The following CTBP2 variants were observed in gnomAD, a reference collection of about 807,000 sequenced individuals.
CTBP2 encodes the protein C-terminal binding protein 2.
CTBP2 carries 30 observed loss-of-function variants against 80.3 expected under a neutral mutation model. That is an observed-to-expected ratio of 0.37 (90% CI 0.28 to 0.51). The LOEUF is 0.51. Ranked by LOEUF, CTBP2 falls within the 20% of genes least tolerant of loss-of-function variation. CTBP2 has a pLI of 0.93. For synonymous variants in CTBP2, 594 were observed against 587.4 expected (o/e 1.01, Z -0.16); for missense variants, 1,212 against 1,375.3 (o/e 0.88, Z 1.88).
At chr10:125,159,358 AG>A (rs1037139919) in intron 1 of CTBP2, among the ~76,000 whole-genome samples, 1 of 139,092 alleles carries the variant, frequency 7.2e-6, no homozygotes, top group Non-Finnish European at 1.6e-5. Flanking sequence ...GCGGGCGAGG[AG>A]GAAGTGGTGC....
At chr10:125,041,317 A>C (rs905609841) in intron 2 of CTBP2, among the ~76,000 whole-genome samples, 1 of 152,206 alleles carries the variant, frequency 6.6e-6, no homozygotes, top group Non-Finnish European at 1.5e-5. Flanking sequence ...TCCTGAACTC[A>C]AGTGATCCAC....
At chr10:125,021,380 G>T (rs1420625795) in intron 1 of CTBP2, among the ~76,000 whole-genome samples, 1 of 152,176 alleles carries the variant, frequency 6.6e-6, no homozygotes, top group East Asian at 1.9e-4. Flanking sequence ...ACTCCTTCGG[G>T]CCATGCATTC....
In CTBP2 at chr10:124,984,359, T is replaced by C. The variant is rs964791802; in HGVS notation, c.*5159A>G. 14 of 160,832 alleles carry C rather than the reference T, an allele frequency of 8.7e-5. No homozygotes were observed. The highest frequency in any genetic ancestry group is 3.1e-4 in the Admixed American group (5 of 15,968). The allele number at this position is 160,832 out of a possible 1,614,324, so 10.0% of individuals were successfully genotyped here. A position where few individuals can be genotyped will look rare whatever the true frequency, so the allele number is the denominator to read the frequency against. The stretch of plus-strand genomic sequence containing the variant: ...GTCTTTTATTTAATATACTAGTAAT[T>C]ATAAAACGTTTATAATCACAACATG... On this transcript the variant is annotated 3_prime_UTR_variant, in exon 9 of 9. Coordinates refer to ENST00000309035, the MANE Select transcript of CTBP2 (RefSeq NM_022802.3).
rs1564838942 is a variant in CTBP2, at chr10:125,066,589, G to A, written c.-101-27434C>T. 2.6e-5 allele frequency among the ~76,000 whole-genome samples: 4 copies of A among 152,254 alleles called. No individual in the cohort carries two copies. Among genetic ancestry groups the A allele is most frequent in the East Asian group, 3.9e-4 (2 of 5,174 alleles). ...TGGGCAGCATCTTTTCTGTTTGCAC[G>A]ACTCAAAGTCTGCCTGGTGGAGGAG... On this transcript the variant is annotated intron_variant, in intron 2 of 10. Transcript: ENST00000337195. The surrounding 1 kb of genome is among the most constrained non-coding windows in gnomAD (Gnocchi z 4.1).
At chr10:125,063,372 G>C (rs1023750477) in intron 2 of CTBP2, among the ~76,000 whole-genome samples, 1 of 152,162 alleles carries the variant, frequency 6.6e-6, no homozygotes, top group Admixed American at 6.5e-5. Flanking sequence ...CATGAGGCCT[G>C]TGGCACCCCG....
chr10:125,126,602 T>C (rs568544141), intron 1 of CTBP2, among the ~76,000 whole-genome samples: 46 of 152,350 alleles, frequency 3.0e-4, no homozygotes, highest in African/African-American at 1.1e-3. Flanking sequence ...ACAAGCCACG[T>C]ACTTGTTCCT....
chr10:125,027,683 CA>C lies in CTBP2; in HGVS notation c.76del (p.Trp26GlyfsTer16). The C allele has an allele frequency of 6.2e-7, 1 of 1,613,930 alleles. No homozygotes were observed. On this transcript the variant is annotated frameshift_variant, in exon 1 of 9. Transcript: ENST00000309035. LOFTEE classifies it high-confidence loss of function. ...AGGCCGCAGGGACTCGGCGTTCTCCCAGGGGCCCTCGTACCACCCAGCAGCA... is the reference window on the plus strand; with the variant it reads ...AGGCCGCAGGGACTCGGCGTTCTCCCGGGGCCCTCGTACCACCCAGCAGCA...
chr10:125,140,965 C>T (rs901520906), intron 1 of CTBP2, among the ~76,000 whole-genome samples: 7 of 152,032 alleles, frequency 4.6e-5, no homozygotes, highest in Admixed American at 1.3e-4. Flanking sequence ...CATGGTGAAA[C>T]CCCATCTCTA....
chr10:125,128,143 C>A (rs540064250), intron 1 of CTBP2, among the ~76,000 whole-genome samples: 3 of 152,248 alleles, frequency 2.0e-5, no homozygotes, highest in East Asian at 3.9e-4. Flanking sequence ...GCTCTGGGAG[C>A]AGCTGTCTAG....
At chr10:125,157,054 T>A (rs1861045456) in intron 1 of CTBP2, among the ~76,000 whole-genome samples, 1 of 152,228 alleles carries the variant, frequency 6.6e-6, no homozygotes, top group African/African-American at 2.4e-5. Context: ...GCGTGTTTTT[T>A]ACAATGGCAG....
chr10:125,011,333 G>A lies in CTBP2; in HGVS notation c.1679-7841C>T, dbSNP rs58478860. Among the ~76,000 whole-genome samples, 885 of 152,364 alleles carry A rather than the reference G, an allele frequency of 5.8e-3. 12 individuals are homozygous for A. Among genetic ancestry groups the A allele is most frequent in the African/African-American group, 0.02 (837 of 41,586 alleles). The stretch of plus-strand genomic sequence containing the variant: ...AACATGTATCTGAATGAGTCACGAT[G>A]TGACACATGAGAGGCTCCCAGGTAA... On this transcript the variant is annotated intron_variant, in intron 1 of 8. Coordinates refer to ENST00000309035, the MANE Select transcript of CTBP2 (RefSeq NM_022802.3).
At chr10:125,127,073 G>C (rs146364093) in intron 1 of CTBP2, among the ~76,000 whole-genome samples, 20 of 152,264 alleles carry the variant, frequency 1.3e-4, no homozygotes, top group Middle Eastern at 3.4e-3. Context: ...AGAAACAGCC[G>C]AGTGTTACAC....
chr10:125,056,499 G>A (rs1442822458), intron 2 of CTBP2, among the ~76,000 whole-genome samples: 1 of 152,134 alleles, frequency 6.6e-6, no homozygotes, highest in Middle Eastern at 3.2e-3. Flanking sequence ...GTGTGCCATT[G>A]GCTCTAAGGA....
chr10:125,003,548 G>A (rs567213936), intron 1 of CTBP2, 56 bp from the exon 4 acceptor site: 217 of 1,391,294 alleles, frequency 1.6e-4, no homozygotes, highest in Middle Eastern at 4.0e-4. Context: ...CACAGGGTGC[G>A]TGGAGGGGCA....
At chr10:125,149,764 C>T (rs1436176352) in intron 1 of CTBP2, among the ~76,000 whole-genome samples, 1 of 152,220 alleles carries the variant, frequency 6.6e-6, no homozygotes, top group African/African-American at 2.4e-5. Context: ...CTATGGAAAG[C>T]CAAGGTCAAC....
At chr10:125,092,018 G>C (rs1848828930) in intron 2 of CTBP2, among the ~76,000 whole-genome samples, 1 of 152,098 alleles carries the variant, frequency 6.6e-6, no homozygotes, top group Admixed American at 6.5e-5. Flanking sequence ...ATTTGAAAAA[G>C]AATTAGCTGT....
chr10:125,028,023 A>T lies in CTBP2; in HGVS notation c.-264T>A, dbSNP rs1468387954. 2.7e-5 allele frequency: 25 copies of T among 925,056 alleles called. No individual in the cohort carries two copies. The highest frequency in any genetic ancestry group is 4.0e-5 in the Admixed American group (1 of 24,776). 57.3% of individuals were successfully genotyped at this position (925,056 alleles called of 1,614,324 possible). A position where few individuals can be genotyped will look rare whatever the true frequency, so the allele number is the denominator to read the frequency against. ...TGTTCCTTACAGCTCAGTCCCGGAG[A>T]GGAGGCTGTCCCCAGCCTGCCAGGT... On this transcript the variant is annotated 5_prime_UTR_variant, in exon 1 of 9. Transcript: ENST00000309035.
At chr10:125,132,338 T>C (rs1254622856) in intron 1 of CTBP2, among the ~76,000 whole-genome samples, 1 of 152,062 alleles carries the variant, frequency 6.6e-6, no homozygotes, top group Non-Finnish European at 1.5e-5. Flanking sequence ...TTGTGATCAA[T>C]TTTATGACAC....
At chr10:125,108,376 C>A (rs1161683857) in intron 2 of CTBP2, among the ~76,000 whole-genome samples, 1 of 152,240 alleles carries the variant, frequency 6.6e-6, no homozygotes, top group Non-Finnish European at 1.5e-5. Context: ...TAGGGCCTCA[C>A]GGATTCACCA....
Sources: gnomAD v4.1 joint callset for allele counts (sites outside exome capture counted in the v4.1 genomes callset) on GRCh38, gnomAD v4.1.1 for gene constraint, Gnocchi (gnomAD v3.1) non-coding constraint, MANE v1.5 for transcripts, NCBI Gene and HGNC (gene_info 2026-07-23, HGNC 2026-07-21) for gene names.